The following ATCAY variants were observed in gnomAD, a reference collection of about 807,000 sequenced individuals.
ATCAY encodes the protein ATCAY kinesin light chain interacting caytaxin, also known as caytaxin.
ATCAY carries 22 observed loss-of-function variants against 47.7 expected under a neutral mutation model. The observed-to-expected ratio is 0.46, with a 90% CI of 0.33 to 0.66. The LOEUF is 0.66. Ranked by LOEUF, ATCAY falls within the 30% of genes least tolerant of loss-of-function variation. The pLI is 0.02. For synonymous variants in ATCAY, 216 were observed against 207.6 expected, an observed-to-expected ratio of 1.04 and a Z score of -0.35; for missense variants, 452 against 515.0, an observed-to-expected ratio of 0.88 and a Z score of 1.18.
intron 9 of ATCAY, among the ~76,000 whole-genome samples, chr19:3,916,218 T>A (rs2038965282): frequency 6.6e-6 from 1 of 152,178 alleles, no homozygotes; most frequent in Non-Finnish European, 1.5e-5. Flanking sequence ...GTAGCCTGTG[T>A]CAGAATGTCC....
At position 3,924,617 on chromosome 19, in the gene ATCAY, A is replaced by G. The variant is rs1217688525; in HGVS notation, c.*25A>G. On this transcript the variant is annotated 3_prime_UTR_variant, in exon 13 of 13. Coordinates refer to ENST00000450849, the MANE Select transcript of ATCAY (RefSeq NM_033064.5). The stretch of plus-strand genomic sequence containing the variant: ...AGGCGACGTGAGCATAACAAAGGAC[A>G]TGGAAGAAGATTCCAGATGCCAGAA... The G allele has an allele frequency of 1.9e-6, 3 of 1,613,248 alleles. No homozygotes were observed. Among genetic ancestry groups the G allele is most frequent in the African/African-American group, 1.3e-5 (1 of 74,902 alleles).
chr19:3,895,161 A>G (rs2038757690), intron 2 of ATCAY: 1 of 456,108 alleles, frequency 2.2e-6, no homozygotes, highest in Non-Finnish European at 4.4e-6. Context: ...GGGAACCACC[A>G]AGTCCAAAAT....
At chr19:3,882,272 A>C (rs896065791) in intron 1 of ATCAY, among the ~76,000 whole-genome samples, 2 of 152,142 alleles carry the variant, frequency 1.3e-5, no homozygotes, top group African/African-American at 4.8e-5. Context: ...CGATCCTCGC[A>C]AAGTGCTGGG....
At chr19:3,914,295 A>G (rs905762535) in intron 9 of ATCAY, among the ~76,000 whole-genome samples, 2 of 150,334 alleles carry the variant, frequency 1.3e-5, no homozygotes, top group Non-Finnish European at 3.0e-5. Context: ...ACGCCTCCCA[A>G]TCACGGTGGA....
chr19:3,904,635 TACAC>T (rs58093726), intron 3 of ATCAY, among the ~76,000 whole-genome samples: 5 of 149,212 alleles, frequency 3.4e-5, no homozygotes, highest in East Asian at 2.0e-4. Context: ...AAAATATGTA[TACAC>T]ACACACACAC....
intron 1 of ATCAY, among the ~76,000 whole-genome samples, chr19:3,884,201 C>G (rs184515556): frequency 3.3e-5 from 5 of 151,980 alleles, no homozygotes; most frequent in African/African-American, 9.7e-5. Context: ...GCAGGAGGAT[C>G]GCTTGAGCCC....
chr19:3,908,516 G>A, intron 6 of ATCAY, 146 bp downstream of exon 6: 2 of 765,524 alleles, frequency 2.6e-6, no homozygotes, highest in Non-Finnish European at 4.4e-6. Context: ...ACCTTGATCT[G>A]AGTCCCTGCT....
intron 2 of ATCAY, among the ~76,000 whole-genome samples, chr19:3,886,834 C>A (rs2038660947): frequency 1.3e-5 from 2 of 151,096 alleles, no homozygotes; most frequent in South Asian, 2.1e-4. Context: ...CTTCCTCATG[C>A]CCCCGAGTAG....
intron 3 of ATCAY, among the ~76,000 whole-genome samples, chr19:3,903,769 C>T (rs1017530080): frequency 3.3e-5 from 5 of 151,790 alleles, no homozygotes; most frequent in Non-Finnish European, 5.9e-5. Context: ...AAGCCATCTT[C>T]CCACCTTGGC....
At chr19:3,900,386 C>T (rs912106950) in intron 2 of ATCAY, among the ~76,000 whole-genome samples, 2 of 151,960 alleles carry the variant, frequency 1.3e-5, no homozygotes, top group African/African-American at 4.8e-5. Context: ...CAGAGTTACG[C>T]CATGTTGCCC....
At chr19:3,890,247 A>ATTTTTTTTT (rs764697276) in intron 2 of ATCAY, among the ~76,000 whole-genome samples, 3 of 38,572 alleles carry the variant, frequency 7.8e-5, no homozygotes, top group South Asian at 1.0e-3. Flanking sequence ...TCCACCTATA[A>ATTTTTTTTT]TTTTTTTTTT....
intron 2 of ATCAY, among the ~76,000 whole-genome samples, chr19:3,895,733 T>C (rs1251489151): frequency 6.8e-6 from 1 of 146,170 alleles, no homozygotes; most frequent in African/African-American, 2.5e-5. Context: ...TTTTTTTTTT[T>C]TGATAGACTC....
intron 1 of ATCAY, among the ~76,000 whole-genome samples, chr19:3,883,737 C>T (rs902025992): frequency 6.6e-6 from 1 of 152,140 alleles, no homozygotes; most frequent in Non-Finnish European, 1.5e-5. Flanking sequence ...GTTTCAAAGC[C>T]CAAAACAGAT....
At chr19:3,900,579 C>A (rs879400788) in intron 2 of ATCAY, among the ~76,000 whole-genome samples, 4 of 152,164 alleles carry the variant, frequency 2.6e-5, no homozygotes, top group Admixed American at 2.6e-4. Context: ...CTCTGTCACC[C>A]AGGCTGGAGA....
At chr19:3,888,965 A>G (rs1022548592) in intron 2 of ATCAY, among the ~76,000 whole-genome samples, 14 of 152,270 alleles carry the variant, frequency 9.2e-5, no homozygotes, top group South Asian at 2.1e-4. Flanking sequence ...TGTTCTCAGA[A>G]TAGCCGAGAA....
In ATCAY at chr19:3,926,379, T is replaced by C. The variant is rs1261639682; in HGVS notation, c.*1787T>C. ...TCACGAGTTTCCCTCTAATCCTAAATGTCTTCATGTCTATCAGTCTGAGCA... is the reference window on the plus strand; with the variant it reads ...TCACGAGTTTCCCTCTAATCCTAAACGTCTTCATGTCTATCAGTCTGAGCA... On this transcript the variant is annotated 3_prime_UTR_variant, in exon 13 of 13. Transcript: ENST00000450849. The C allele has an allele frequency of 6.6e-6, 1 of 152,360 alleles. No individual in the cohort carries two copies. The highest frequency in any genetic ancestry group is 2.4e-5 in the African/African-American group (1 of 41,580). 9.4% of individuals were successfully genotyped at this position (152,360 alleles called of 1,614,324 possible). A position where few individuals can be genotyped will look rare whatever the true frequency, so the allele number is the denominator to read the frequency against.
rs1417768524 is a variant in ATCAY at position 3,907,140 on chromosome 19, A to G, written c.359-594A>G. Among the ~76,000 whole-genome samples the G allele has an allele frequency of 2.0e-5, 3 of 147,838 alleles. No homozygotes were observed. The highest frequency in any genetic ancestry group is 7.5e-5 in the African/African-American group (3 of 40,156). On this transcript the variant is annotated intron_variant, in intron 4 of 12. Coordinates refer to ENST00000450849, the MANE Select transcript of ATCAY (RefSeq NM_033064.5). This position sits in a 1 kb window ranked among gnomAD's most constrained non-coding sequence, Gnocchi z 5.1. ...TGGAACAAGACTCTCTCAAAAAAAA[A>G]AAAGAAAGAAAAAAAAAAATTAAGG...
intron 12 of ATCAY, chr19:3,922,199 C>A: frequency 1.4e-6 from 1 of 701,784 alleles, no homozygotes; most frequent in Non-Finnish European, 2.6e-6. Context: ...CCACGTGGCC[C>A]AAGTTCCAAC....
intron 2 of ATCAY, among the ~76,000 whole-genome samples, chr19:3,886,754 C>T (rs1244939465): frequency 2.7e-5 from 4 of 148,406 alleles, no homozygotes; most frequent in Admixed American, 2.0e-4. Flanking sequence ...CACTCTGTCC[C>T]ACAGGCTGGA....
Sources: gnomAD v4.1 joint callset for allele counts (sites outside exome capture counted in the v4.1 genomes callset) on GRCh38, gnomAD v4.1.1 for gene constraint, Gnocchi (gnomAD v3.1) non-coding constraint, MANE v1.5 for transcripts, NCBI Gene and HGNC (gene_info 2026-07-23, HGNC 2026-07-21) for gene names.